Variants in MACF1 observed in about 807,000 individuals in gnomAD.
The protein encoded by MACF1 is microtubule-actin cross-linking factor 1.
In MACF1, 193 loss-of-function variants were observed where a neutral mutation model predicts 854.8. That is an observed-to-expected ratio of 0.23 (90% CI 0.20 to 0.25). The LOEUF (loss-of-function observed/expected upper bound fraction) is 0.25. MACF1 is among the 10% of genes least tolerant of loss of function. The probability of loss-of-function intolerance (pLI) is 1.00; values close to 1 mark genes in which losing one functional copy is unlikely to be tolerated. For missense variants in MACF1, 7,722 were observed against 8,929.1 expected (o/e 0.86, Z 5.45); for synonymous variants, 3,185 against 3,226.7 (o/e 0.99, Z 0.44).
At chr1:39,134,607 T>A (rs543342282) in intron 2 of MACF1, among the ~76,000 whole-genome samples, 6 of 152,208 alleles carry the variant, frequency 3.9e-5, no homozygotes, top group Non-Finnish European at 8.8e-5. Context: ...CTGTGTGCTT[T>A]TCCTAATTCC....
intron 41 of MACF1, 31 bp from the exon 42 acceptor site, chr1:39,349,447 A>G (rs755051092): frequency 8.9e-6 from 14 of 1,567,324 alleles, no homozygotes; most frequent in Non-Finnish European, 1.2e-5. Context: ...GAATTACGAA[A>G]TGTCTCTTGA....
At chr1:39,113,940 G>A (rs1307711415) in intron 2 of MACF1, among the ~76,000 whole-genome samples, 1 of 152,044 alleles carries the variant, frequency 6.6e-6, no homozygotes, top group Admixed American at 6.5e-5. Flanking sequence ...GGAGGCTGAA[G>A]CAAGAGAATC....
intron 6 of MACF1, among the ~76,000 whole-genome samples, chr1:39,261,314 TA>T (rs958478050): frequency 4.6e-5 from 7 of 152,042 alleles, no homozygotes; most frequent in South Asian, 2.1e-4. Context: ...AATGCATTCA[TA>T]AAAAAAACTT....
At chr1:39,370,873 A>T (rs1440302909) in intron 51 of MACF1, among the ~76,000 whole-genome samples, 4 of 152,206 alleles carry the variant, frequency 2.6e-5, no homozygotes, top group Admixed American at 2.6e-4. Context: ...AACAAAAAAA[A>T]ACTCCTAATA....
chr1:39,464,812 G>GTTGTAATGCCTCTC (rs1405744971), intron 94 of MACF1: 1 of 384,924 alleles, frequency 2.6e-6, no homozygotes, highest in African/African-American at 2.1e-5. Context: ...TACTAGGGAG[G>GTTGTAATGCCTCTC]CTGAGGCAGG....
rs1349065926 is a variant in MACF1, at chr1:39,409,338, C to T, written c.15817-13036C>T. ...CGGGCGAGGCGGCGCCCACAGCACT[C>T]GGGACTCAGCTGCCGGAGGGACAAA... is the stretch of plus-strand genomic sequence containing the variant. On this transcript the variant is annotated intron_variant, in intron 58 of 100. Transcript: ENST00000564288. The surrounding 1 kb of genome is among the most constrained non-coding windows in gnomAD (Gnocchi z 4.2). Among the ~76,000 whole-genome samples the T allele has an allele frequency of 6.6e-6, 1 of 152,100 alleles. No individual in the cohort carries two copies. The highest frequency in any genetic ancestry group is 1.9e-4 in the East Asian group (1 of 5,180).
Position 39,331,340 on chromosome 1 carries a change from C to T in MACF1, c.4752C>T (p.Leu1584=). 1.9e-6 allele frequency: 3 copies of T among 1,614,064 alleles called. No homozygotes were observed. Among genetic ancestry groups the T allele is most frequent in the East Asian group, 2.2e-5 (1 of 44,876 alleles). ...LLESQVIMSG[L]IAPETGENLS... ...AATCTCAGGTTATCATGTCTGGCCT[C>T]ATTGCCCCTGAGACGGGTGAAAACC... Residue 1584 remains leucine, a synonymous_variant, in exon 37 of 101, where the codon CTC becomes CTT. Transcript: ENST00000564288.
chr1:39,248,925 C>G (rs1249016247), intron 2 of MACF1, among the ~76,000 whole-genome samples: 3 of 151,980 alleles, frequency 2.0e-5, no homozygotes, highest in Non-Finnish European at 2.9e-5. Context: ...AGGGGGTCTC[C>G]CCACATTGCC....
intron 2 of MACF1, among the ~76,000 whole-genome samples, chr1:39,245,800 G>A (rs927716049): frequency 6.6e-6 from 1 of 151,892 alleles, no homozygotes; most frequent in African/African-American, 2.4e-5. Flanking sequence ...TATTCCCTAT[G>A]TTCAGATCTT....
At chr1:39,183,298 T>C (rs926540474) in intron 2 of MACF1, among the ~76,000 whole-genome samples, 1 of 152,218 alleles carries the variant, frequency 6.6e-6, no homozygotes, top group African/African-American at 2.4e-5. Flanking sequence ...TCTGTGAACA[T>C]ACTGATACTT....
rs199775354 is a variant in MACF1 at position 39,347,009 on chromosome 1, T to A, written c.10614T>A (p.Ala3538=). ...AACAGCCCATGGCTGAAAGGAAAGC[T>A]CAGCTGGATGCTCTTGCTTTTGATA... is the stretch of plus-strand genomic sequence containing the variant. ...DLKQPMAERK[A]QLDALAFDIQ... is the part of the protein sequence containing the mutation. The change falls in exon 41 of 101, where the codon GCT becomes GCA. Residue 3538 remains alanine, a synonymous_variant. Transcript: ENST00000564288. 6.2e-7 allele frequency: 1 copy of A among 1,613,668 alleles called. No individual in the cohort carries two copies. The highest frequency in any genetic ancestry group is 1.3e-5 in the African/African-American group (1 of 75,036).
At position 39,427,504 on chromosome 1, in the gene MACF1, A is replaced by G; in HGVS notation, c.16366A>G (p.Thr5456Ala). 1 of 1,614,146 alleles carries G rather than the reference A, an allele frequency of 6.2e-7. No individual in the cohort carries two copies. The highest frequency in any genetic ancestry group is 8.5e-7 in the Non-Finnish European group (1 of 1,180,016). ...GGTTCTGGCCAAACAGTTCCATGAGACAGCTGAGCCTATTTCTGACTTCTT... is the reference window on the plus strand; with the variant it reads ...GGTTCTGGCCAAACAGTTCCATGAGGCAGCTGAGCCTATTTCTGACTTCTT... The part of the protein sequence containing the change: ...ILVLAKQFHE[T>A]AEPISDFLSV... Residue 5456 changes from threonine (T) to alanine (A), a missense_variant, in exon 62 of 101, where the codon ACA becomes GCA. By Grantham distance (58) the Thr-to-Ala change is moderately conservative. This residue lies in a region of MACF1 where 2,807 missense variants were observed against 3,235.8 expected (regional missense o/e 0.87). Coordinates refer to ENST00000564288, the MANE Select transcript of MACF1 (RefSeq NM_001394062.1).
In MACF1 at chr1:39,085,855, A is replaced by AC. The variant is rs564025474; in HGVS notation, c.220+1422dup. On this transcript the variant is annotated intron_variant, in intron 2 of 93. Coordinates refer to the MACF1 transcript ENST00000361689. ...CCCTGCCACAGTACACTGTAACTGG[A>AC]CCCCCAGAGGGATGCATCTTGCAGG... 2.1e-4 allele frequency among the ~76,000 whole-genome samples: 32 copies of AC among 152,190 alleles called. No homozygotes were observed. The East Asian group carries it at 3.7e-3, about 17-fold the overall frequency.
intron 6 of MACF1, chr1:39,269,490 C>A: frequency 7.8e-7 from 1 of 1,289,732 alleles, no homozygotes; most frequent in Middle Eastern, 2.1e-4. Context: ...CCATGTGGGT[C>A]AAGTGCCCCC....
At chr1:39,251,406 G>T (rs1425599090) in intron 3 of MACF1, among the ~76,000 whole-genome samples, 1 of 152,110 alleles carries the variant, frequency 6.6e-6, no homozygotes, top group Non-Finnish European at 1.5e-5. Flanking sequence ...AATTTGTAAT[G>T]ATTTTATATT....
intron 2 of MACF1, among the ~76,000 whole-genome samples, chr1:39,131,544 T>C (rs1396981789): frequency 6.6e-6 from 1 of 152,150 alleles, no homozygotes; most frequent in African/African-American, 2.4e-5. Context: ...TCCATAAGAC[T>C]GTGAGCACCT....
In MACF1 at chr1:39,334,434, C is replaced by G. The variant is rs372613128; in HGVS notation, c.7846C>G (p.His2616Asp). Residue 2616 changes from histidine (H) to aspartate (D), a missense_variant, in exon 37 of 101, where the codon CAT (histidine) becomes GAT (aspartate). His to Asp is a moderately conservative substitution (Grantham distance 81). Around this residue, in one of 15 missense-constraint regions of MACF1, gnomAD observed 1,531 missense variants for 1,601.6 expected, o/e 0.96. Transcript: ENST00000564288. Reference sequence around the variant, plus strand: ...AGCAGTATTGTCTCCAGGAATGATGCATGGCATTGTAGATCCCGAGAACTG... The same window carrying G: ...AGCAGTATTGTCTCCAGGAATGATGGATGGCATTGTAGATCCCGAGAACTG... ...NEAVLSPGMM[H>D]GIVDPENCRI... 1.2e-6 allele frequency: 2 copies of G among 1,613,928 alleles called. No homozygotes were observed. Among genetic ancestry groups the G allele is most frequent in the African/African-American group, 1.3e-5 (1 of 74,918 alleles).
At chr1:39,463,372 C>A (rs1644595471) in intron 93 of MACF1, among the ~76,000 whole-genome samples, 1 of 151,944 alleles carries the variant, frequency 6.6e-6, no homozygotes, top group Non-Finnish European at 1.5e-5. Context: ...TGCCTATAAT[C>A]CCAGCCACTT....
At chr1:39,428,550 A>G (rs1200010770) in intron 63 of MACF1, among the ~76,000 whole-genome samples, 1 of 152,192 alleles carries the variant, frequency 6.6e-6, no homozygotes, top group African/African-American at 2.4e-5. Context: ...ACTCCAACTC[A>G]TGATTTACAT....
Sources: allele counts gnomAD v4.1 joint callset (sites outside exome capture counted in the v4.1 genomes callset), GRCh38; gene constraint gnomAD v4.1.1; regional missense constraint gnomAD v4.1.1; non-coding constraint Gnocchi (gnomAD v3.1); transcripts MANE v1.5; gene names NCBI Gene and HGNC (gene_info 2026-07-23, HGNC 2026-07-21).